The following CLEC9A variants were observed in gnomAD, a reference collection of about 807,000 sequenced individuals.
CLEC9A encodes C-type lectin domain containing 9A, also known as C-type lectin domain family 9 member A.
A neutral mutation model predicts 30.0 loss-of-function variants in CLEC9A; 24 were observed. The ratio of observed to expected loss-of-function variants is 0.80; its 90% confidence interval spans 0.58 to 1.13. CLEC9A has a LOEUF of 1.13. CLEC9A is among the 50% of genes most tolerant of loss of function. The pLI is 0.00. For missense variants in CLEC9A, 251 were observed against 280.9 expected, an observed-to-expected ratio of 0.89 and a Z score of 0.76; for synonymous variants, 111 against 96.8, an observed-to-expected ratio of 1.15 and a Z score of -0.86.
chr12:10,055,507 C>T (rs1463931719), intron 5 of CLEC9A, among the ~76,000 whole-genome samples: 1 of 151,994 alleles, frequency 6.6e-6, no homozygotes, highest in East Asian at 1.9e-4. Flanking sequence ...AATGTTAATT[C>T]TATATAATGA....
In CLEC9A at chr12:10,049,301, A is replaced by G. The variant is rs138601735; in HGVS notation, c.-162-2690A>G. 3.2e-3 allele frequency among the ~76,000 whole-genome samples: 490 copies of G among 152,306 alleles called. 1 individual carries two copies. Among genetic ancestry groups the G allele is most frequent in the African/African-American group, 0.011 (475 of 41,564 alleles). On this transcript the variant is annotated intron_variant, in intron 2 of 8. Transcript: ENST00000355819. The stretch of plus-strand genomic sequence containing the variant: ...ATTTAGGATAATTCTTAAGGTCTCT[A>G]GGGCTTTTGAAATGATAATTGACTA...
At chr12:10,064,636 A>G in intron 7 of CLEC9A, 96 bp from the exon 8 acceptor site, 1 of 1,315,952 alleles carries the variant, frequency 7.6e-7, no homozygotes, top group East Asian at 2.5e-5. Context: ...TCAAGTTCCC[A>G]TTAATTTCTA....
intron 2 of CLEC9A, 80 bp downstream of exon 2, chr12:10,041,700 T>C (rs908776540): frequency 4.0e-6 from 2 of 500,046 alleles, no homozygotes; most frequent in African/African-American, 3.9e-5. Context: ...TTTTGTTTTT[T>C]ACATTTTTCT....
intron 1 of CLEC9A, among the ~76,000 whole-genome samples, chr12:10,036,332 T>C (rs992312343): frequency 2.6e-5 from 4 of 152,254 alleles, no homozygotes; most frequent in African/African-American, 9.6e-5. Flanking sequence ...CAGGAAATCT[T>C]ACCCCTTTAC....
chr12:10,035,955 A>G (rs1423404420), intron 1 of CLEC9A, among the ~76,000 whole-genome samples: 4 of 152,208 alleles, frequency 2.6e-5, no homozygotes, highest in Non-Finnish European at 5.9e-5. Flanking sequence ...CCCAGTTTTT[A>G]TTAAGATGTT....
At chr12:10,036,574 T>C (rs781194302) in intron 1 of CLEC9A, among the ~76,000 whole-genome samples, 19 of 152,204 alleles carry the variant, frequency 1.2e-4, no homozygotes, top group Non-Finnish European at 2.4e-4. Context: ...ATTGCCCTTC[T>C]CTTCTACACA....
In CLEC9A at chr12:10,052,693, C is replaced by T. The variant is rs756415045; in HGVS notation, c.6C>T (p.His2=). The T allele has an allele frequency of 5.6e-6, 9 of 1,613,732 alleles. No homozygotes were observed. The highest frequency in any genetic ancestry group is 1.7e-4 in the Middle Eastern group (1 of 6,058). M[H]EEEIYTSLQW... Reference sequence around the variant, plus strand: ...CCTATCAAAGCACCTTAGACATGCACGAGGAAGAAATATACACCTCTCTTC... The same window carrying T: ...CCTATCAAAGCACCTTAGACATGCATGAGGAAGAAATATACACCTCTCTTC... The change falls in exon 4 of 9, where the codon CAC becomes CAT. Residue 2 remains histidine (H), a synonymous_variant. Transcript: ENST00000355819.
intron 5 of CLEC9A, among the ~76,000 whole-genome samples, chr12:10,056,610 A>G (rs1865946271): frequency 6.6e-6 from 1 of 152,192 alleles, no homozygotes; most frequent in East Asian, 1.9e-4. Context: ...TAAACAAACA[A>G]TGGAAGGTTA....
Position 10,054,340 on chromosome 12 carries a change from T to G in CLEC9A, c.161T>G (p.Leu54Trp). The change falls in exon 5 of 9, where the codon TTG becomes TGG. Residue 54 changes from leucine (L) to tryptophan (W), a missense_variant. Transcript: ENST00000355819. Reference sequence around the variant, plus strand: ...GGATTATTAACAGCATCCATTTTCTTGGGCGTCAAGTGTAAGTACTAAAAG... The same window carrying G: ...GGATTATTAACAGCATCCATTTTCTGGGGCGTCAAGTGTAAGTACTAAAAG... ...CMGLLTASIF[L>W]GVKLLQVSTI... 1 of 1,610,962 alleles carries G rather than the reference T, an allele frequency of 6.2e-7. No individual in the cohort carries two copies. The highest frequency in any genetic ancestry group is 8.5e-7 in the Non-Finnish European group (1 of 1,177,494).
intron 1 of CLEC9A, among the ~76,000 whole-genome samples, chr12:10,039,214 T>C (rs536213059): frequency 9.2e-5 from 14 of 152,266 alleles, no homozygotes; most frequent in African/African-American, 3.1e-4. Flanking sequence ...GCTCTGGGGA[T>C]TTGGTGTAAG....
chr12:10,062,611 C>A (rs1866007443), intron 6 of CLEC9A, among the ~76,000 whole-genome samples: 1 of 152,160 alleles, frequency 6.6e-6, no homozygotes, highest in Non-Finnish European at 1.5e-5. Context: ...CCTTGTTTAG[C>A]TCTCAGAATT....
chr12:10,059,202 A>T (rs1266766433), intron 5 of CLEC9A, among the ~76,000 whole-genome samples: 1 of 152,224 alleles, frequency 6.6e-6, no homozygotes, highest in African/African-American at 2.4e-5. Context: ...TAGGTGTATT[A>T]GTCGACAAAA....
intron 3 of CLEC9A, 108 bp from the exon 4 acceptor site, chr12:10,052,522 C>A: frequency 6.9e-6 from 9 of 1,302,056 alleles, no homozygotes; most frequent in Non-Finnish European, 8.8e-6. Context: ...CTTCCACTTT[C>A]TGAATGAAGG....
In CLEC9A at chr12:10,051,183, C is replaced by T. The variant is rs187041210; in HGVS notation, c.-162-808C>T. Among the ~76,000 whole-genome samples, 873 of 148,704 alleles carry T rather than the reference C, an allele frequency of 5.9e-3. 2 individuals carry two copies. The highest frequency in any genetic ancestry group is 9.7e-3 in the Non-Finnish European group (652 of 67,468). ...TAGGGCCACAGCACTCCAGCCTGGG[C>T]GACAAGAGTGAAACTCTGTCTAAAA... On this transcript the variant is annotated intron_variant, in intron 2 of 8. Transcript: ENST00000355819.
intron 2 of CLEC9A, among the ~76,000 whole-genome samples, chr12:10,042,660 T>G (rs1175952198): frequency 6.6e-6 from 1 of 152,232 alleles, no homozygotes; most frequent in Non-Finnish European, 1.5e-5. Context: ...TAGTAGGTAG[T>G]GATTATTGCT....
At chr12:10,062,644 T>C (rs952790624) in intron 6 of CLEC9A, among the ~76,000 whole-genome samples, 1 of 152,208 alleles carries the variant, frequency 6.6e-6, no homozygotes, top group Non-Finnish European at 1.5e-5. Context: ...CAGGGCTTAT[T>C]ATTCAATCCA....
rs932559297 is a variant in CLEC9A, at chr12:10,065,624, T to C, written c.718T>C (p.Ser240Pro). 16 of 1,613,700 alleles carry C rather than the reference T, an allele frequency of 9.9e-6. No individual in the cohort carries two copies. Among genetic ancestry groups the C allele is most frequent in the Non-Finnish European group, 1.4e-5 (16 of 1,179,718 alleles). ...FICEKYALRS[S>P]V ...CTGTGAGAAGTATGCGTTGAGATCC[T>C]CTGTCTGAAAGAAATTGTGTTCAAA... Residue 240 changes from serine to proline, a missense_variant, in exon 9 of 9, where the codon TCT becomes CCT. Coordinates refer to ENST00000355819, the MANE Select transcript of CLEC9A (RefSeq NM_207345.4).
chr12:10,065,480 ATGTTGACT>A lies in CLEC9A; in HGVS notation c.594-17_594-10del. 6.2e-7 allele frequency: 1 copy of A among 1,613,376 alleles called. No individual in the cohort carries two copies. Among genetic ancestry groups the A allele is most frequent in the Non-Finnish European group, 8.5e-7 (1 of 1,179,578 alleles). ...GAAACTCCCAAGTCTAACCTCAGAAATGTTGACTTGCTTTTCCAGGTTGCCAGCAGAGA... is the reference window on the plus strand; with the variant it reads ...GAAACTCCCAAGTCTAACCTCAGAAATGCTTTTCCAGGTTGCCAGCAGAGA... On this transcript the variant is annotated splice_polypyrimidine_tract_variant and intron_variant, in intron 8 of 8. Coordinates refer to ENST00000355819, the MANE Select transcript of CLEC9A (RefSeq NM_207345.4).
chr12:10,052,407 A>G (rs903402651), intron 3 of CLEC9A: 2 of 806,712 alleles, frequency 2.5e-6, no homozygotes, highest in Admixed American at 4.4e-5. Flanking sequence ...CATCTGCTAC[A>G]TTTTGGAAAC....
Sources: gnomAD v4.1 joint callset for allele counts (sites outside exome capture counted in the v4.1 genomes callset) on GRCh38, gnomAD v4.1.1 for gene constraint, MANE v1.5 for transcripts, NCBI Gene and HGNC (gene_info 2026-07-23, HGNC 2026-07-21) for gene names.